The following PIWIL3 variants were observed in gnomAD, a reference collection of about 807,000 sequenced individuals.
PIWIL3 encodes the protein piwi-like protein 3.
PIWIL3 carries 101 observed loss-of-function variants against 109.7 expected under a neutral mutation model. The ratio of observed to expected loss-of-function variants is 0.92; its 90% CI spans 0.78 to 1.09. The LOEUF (loss-of-function observed/expected upper bound fraction) is 1.09. Among genes scored for constraint, PIWIL3 ranks in the 50% least tolerant of loss-of-function variants. The probability of loss-of-function intolerance (pLI) is 0.00; values close to 1 mark genes in which losing one functional copy is unlikely to be tolerated. For missense variants in PIWIL3, 1,031 were observed against 1,072.6 expected (o/e 0.96, Z 0.54); for synonymous variants, 373 against 376.4 (o/e 0.99, Z 0.10).
At chr22:24,719,722 A>G (rs1922546513) in intron 20 of PIWIL3, 26 bp downstream of exon 20, 5 of 1,594,982 alleles carry the variant, frequency 3.1e-6, no homozygotes, top group Non-Finnish European at 4.3e-6. Context: ...AAAAATCTGA[A>G]GAAAAAAGTA....
rs144875662 is a variant in PIWIL3, at chr22:24,734,118, G to C, written c.1673C>G (p.Thr558Arg). The C allele has an allele frequency of 1.2e-6, 2 of 1,612,914 alleles. No homozygotes were observed. Among genetic ancestry groups the C allele is most frequent in the Non-Finnish European group, 1.7e-6 (2 of 1,179,606 alleles). ...TGTTGGTCTAGTATATTTCCGTAAT[G>C]TGTCTATATAGGAGTTAGCATCACC... is the stretch of plus-strand genomic sequence containing the variant. ...VDGDANSYID[T>R]LRKYTRPTLQ... Residue 558 changes from threonine (T) to arginine (R), a missense_variant, in exon 14 of 21, where the codon ACA (threonine) becomes AGA (arginine). By Grantham distance (71) the Thr-to-Arg change is moderately conservative. Transcript: ENST00000616349.
intron 14 of PIWIL3, 73 bp from the exon 15 acceptor site, chr22:24,728,447 C>T: frequency 6.3e-7 from 1 of 1,576,822 alleles, no homozygotes; most frequent in South Asian, 1.1e-5. Flanking sequence ...CCATCTGGAG[C>T]AGGCAACTTA....
intron 1 of PIWIL3, among the ~76,000 whole-genome samples, chr22:24,769,116 T>C (rs188545481): frequency 2.0e-5 from 3 of 152,346 alleles, no homozygotes; most frequent in Admixed American, 1.3e-4. Context: ...CTCAAGTCCC[T>C]GATACAAAAT....
intron 1 of PIWIL3, among the ~76,000 whole-genome samples, chr22:24,771,033 C>T (rs538028878): frequency 1.2e-4 from 19 of 152,074 alleles, no homozygotes; most frequent in African/African-American, 4.3e-4. Context: ...GACACATAGA[C>T]CCTGTACCCT....
intron 14 of PIWIL3, among the ~76,000 whole-genome samples, chr22:24,729,933 CT>C (rs77524370): frequency 0.019 from 2,401 of 125,790 alleles, 39 homozygotes; most frequent in African/African-American, 0.054. Flanking sequence ...TCTACTTTTT[CT>C]TTTTTTTTTT....
chr22:24,728,083 G>T lies in PIWIL3; in HGVS notation c.1906-30C>A, dbSNP rs550864104. The T allele has an allele frequency of 8.1e-6, 13 of 1,609,400 alleles. No individual in the cohort carries two copies. The African/African-American group carries it at 1.6e-4, about 20-fold the overall frequency. On this transcript the variant is annotated intron_variant, in intron 15 of 20. Transcript: ENST00000616349. ...AGTTTGTTTTTGAAAAGGTAATGGA[G>T]TTAGAACGTGAGCAAAATTTAAGCA...
chr22:24,727,861 CTTGAG>C (rs1249293352), intron 16 of PIWIL3, 84 bp downstream of exon 16: 57 of 1,055,646 alleles, frequency 5.4e-5, no homozygotes, highest in South Asian at 4.7e-4. Flanking sequence ...TTCCCAACCT[CTTGAG>C]TTAACACATA....
At chr22:24,773,263 C>T (rs1926227125) in intron 1 of PIWIL3, among the ~76,000 whole-genome samples, 1 of 152,206 alleles carries the variant, frequency 6.6e-6, no homozygotes, top group South Asian at 2.1e-4. Context: ...ACACACTGTC[C>T]CTTCCCCCTT....
intron 18 of PIWIL3, among the ~76,000 whole-genome samples, chr22:24,724,129 G>A (rs77087377): frequency 0.016 from 2,496 of 152,172 alleles, 69 homozygotes; most frequent in African/African-American, 0.056. Flanking sequence ...CGTGTGGAAC[G>A]TAAAATCAAA....
intron 1 of PIWIL3, chr22:24,769,627 C>T (rs1926011858): frequency 6.6e-6 from 1 of 151,870 alleles, no homozygotes; most frequent in Admixed American, 6.6e-5. Flanking sequence ...CAAAAACAAA[C>T]AAACAAACAA....
intron 14 of PIWIL3, among the ~76,000 whole-genome samples, chr22:24,729,111 G>T (rs7364162): frequency 6.6e-6 from 1 of 152,192 alleles, no homozygotes; most frequent in Admixed American, 6.5e-5. Context: ...AGTTGCATAA[G>T]GGGGAGGCTT....
intron 4 of PIWIL3, 149 bp from the exon 5 acceptor site, chr22:24,756,854 T>C (rs4822538): frequency 0.19 from 125,553 of 649,022 alleles, 13,272 homozygotes; most frequent in Admixed American, 0.34. Flanking sequence ...CCAAGGCGGG[T>C]GGATCACCTG....
At chr22:24,720,259 G>GTTTTGTTTTTT (rs1922586427) in intron 19 of PIWIL3, among the ~76,000 whole-genome samples, 1 of 105,492 alleles carries the variant, frequency 9.5e-6, no homozygotes, top group African/African-American at 3.5e-5. Context: ...TATTTAAACT[G>GTTTTGTTTTTT]TTTTTTTTTT....
chr22:24,763,598 C>T (rs953778522), intron 1 of PIWIL3, among the ~76,000 whole-genome samples: 3 of 152,132 alleles, frequency 2.0e-5, no homozygotes, highest in African/African-American at 7.2e-5. Flanking sequence ...CCGTGCTCGG[C>T]CAAACTTCTC....
chr22:24,738,297 T>TCC (rs1279947334), intron 12 of PIWIL3, among the ~76,000 whole-genome samples: 1 of 152,236 alleles, frequency 6.6e-6, no homozygotes, highest in African/African-American at 2.4e-5. Flanking sequence ...GACTGGCATT[T>TCC]CTGTACCTGC....
In PIWIL3 at chr22:24,723,118, C is replaced by T; in HGVS notation, c.2357+12G>A. The T allele has an allele frequency of 6.2e-7, 1 of 1,611,240 alleles. No homozygotes were observed. On this transcript the variant is annotated intron_variant, in intron 19 of 20. Coordinates refer to ENST00000616349, the MANE Select transcript of PIWIL3 (RefSeq NM_001255975.1). The stretch of plus-strand genomic sequence containing the variant: ...ATCATAGAACCATGTGCAAAAAATA[C>T]AGGTGGCTTACCATTCATTCCTAGT...
In PIWIL3 at chr22:24,762,400, T is replaced by C; in HGVS notation, c.100A>G (p.Thr34Ala). Residue 34 changes from threonine (T) to alanine (A), a missense_variant and splice_region_variant, in exon 2 of 21, where the codon ACA becomes GCA. Coordinates refer to ENST00000616349, the MANE Select transcript of PIWIL3 (RefSeq NM_001255975.1). ...PGGPRAPGSA[T>A]TQEPPQLQST... ...GGAAACAACGTTACAGGGCTCACTGTAGCTGATCCAGGTGCTCTGGGTCCC... is the reference window on the plus strand; with the variant it reads ...GGAAACAACGTTACAGGGCTCACTGCAGCTGATCCAGGTGCTCTGGGTCCC... The C allele has an allele frequency of 6.2e-7, 1 of 1,613,120 alleles. No homozygotes were observed. Among genetic ancestry groups the C allele is most frequent in the Non-Finnish European group, 8.5e-7 (1 of 1,179,632 alleles).
chr22:24,754,778 AC>A lies in PIWIL3; in HGVS notation c.773+5del. The A allele has an allele frequency of 6.3e-7, 1 of 1,591,960 alleles. No homozygotes were observed. Among genetic ancestry groups the A allele is most frequent in the Non-Finnish European group, 8.6e-7 (1 of 1,160,116 alleles). On this transcript the variant is annotated splice_donor_5th_base_variant and intron_variant, in intron 7 of 20. Coordinates refer to ENST00000616349, the MANE Select transcript of PIWIL3 (RefSeq NM_001255975.1). ...CAGAGTGTGAAATTTTCTACTTTAT[AC>A]AAACCCATGACGGTATAACTGAATG...
At chr22:24,748,098 G>GT (rs1924478911) in intron 12 of PIWIL3, among the ~76,000 whole-genome samples, 1 of 141,714 alleles carries the variant, frequency 7.1e-6, no homozygotes, top group South Asian at 2.2e-4. Flanking sequence ...CTATTCAGCC[G>GT]TAAAAAAAAC....
Sources: gnomAD v4.1 joint callset for allele counts (sites outside exome capture counted in the v4.1 genomes callset) on GRCh38, gnomAD v4.1.1 for gene constraint, MANE v1.5 for transcripts, NCBI Gene and HGNC (gene_info 2026-07-23, HGNC 2026-07-21) for gene names.